CCDC83: variants seen among roughly 807,000 people sequenced by gnomAD.
CCDC83 encodes the protein coiled-coil domain containing 83.
A neutral mutation model predicts 50.1 loss-of-function variants in CCDC83; 54 were observed. The ratio of observed to expected loss-of-function variants is 1.08; its 90% CI spans 0.87 to 1.35. The LOEUF (loss-of-function observed/expected upper bound fraction) is 1.35, where lower values mean the gene tolerates loss of function less well. Ranked by LOEUF, CCDC83 falls within the 40% of genes most tolerant of loss-of-function variation. The pLI is 0.00. For synonymous variants in CCDC83, 161 were observed against 153.3 expected, an observed-to-expected ratio of 1.05 and a Z score of -0.37; for missense variants, 518 against 473.9, an observed-to-expected ratio of 1.09 and a Z score of -0.86.
intron 2 of CCDC83, among the ~76,000 whole-genome samples, chr11:85,871,193 T>C (rs1190119720): frequency 6.6e-6 from 1 of 151,784 alleles, no homozygotes; most frequent in Non-Finnish European, 1.5e-5. Context: ...AAACAAACAA[T>C]CTCTATAATG....
At chr11:85,915,935 C>T in intron 9 of CCDC83, 93 bp from the exon 10 acceptor site, 1 of 846,896 alleles carries the variant, frequency 1.2e-6, no homozygotes, top group Non-Finnish European at 1.9e-6. Context: ...CTCAAAGTTC[C>T]ATCCAATTAA....
chr11:85,856,430 C>G (rs2093141569), intron 1 of CCDC83, among the ~76,000 whole-genome samples: 1 of 151,856 alleles, frequency 6.6e-6, no homozygotes. Context: ...TTTTTCTTTT[C>G]TTTGTTGATA....
At chr11:85,865,481 T>C (rs560410935) in intron 2 of CCDC83, among the ~76,000 whole-genome samples, 1 of 152,378 alleles carries the variant, frequency 6.6e-6, no homozygotes, top group Non-Finnish European at 1.5e-5. Flanking sequence ...ACAGCTTTCA[T>C]TGATGTACTA....
At chr11:85,891,506 G>T (rs1019201378) in intron 5 of CCDC83, among the ~76,000 whole-genome samples, 1 of 152,164 alleles carries the variant, frequency 6.6e-6, no homozygotes, top group Non-Finnish European at 1.5e-5. Context: ...AAGGTGAGGG[G>T]TTATTACAAG....
chr11:85,877,595 T>C (rs2093276284), intron 3 of CCDC83, among the ~76,000 whole-genome samples: 1 of 152,230 alleles, frequency 6.6e-6, no homozygotes, highest in Admixed American at 6.5e-5. Flanking sequence ...TAAGAAGTAT[T>C]GTGTCAAGTA....
intron 5 of CCDC83, among the ~76,000 whole-genome samples, chr11:85,894,224 G>A (rs1482480923): frequency 1.3e-5 from 2 of 152,120 alleles, no homozygotes; most frequent in African/African-American, 2.4e-5. Flanking sequence ...CTATAGTACT[G>A]TTAGTACAAT....
chr11:85,872,659 T>C (rs889915582), intron 2 of CCDC83, among the ~76,000 whole-genome samples: 1 of 152,218 alleles, frequency 6.6e-6, no homozygotes, highest in Non-Finnish European at 1.5e-5. Context: ...TCTGCACTTT[T>C]CTATCTCTCT....
chr11:85,914,905 T>C (rs12798229), intron 8 of CCDC83, among the ~76,000 whole-genome samples: 14,746 of 152,174 alleles, frequency 0.097, 947 homozygotes, highest in Admixed American at 0.14. Context: ...CTTCTTCACA[T>C]GGCAGCAGGA....
At chr11:85,911,717 T>C (rs1005336369) in intron 8 of CCDC83, among the ~76,000 whole-genome samples, 3 of 152,092 alleles carry the variant, frequency 2.0e-5, no homozygotes, top group Admixed American at 6.5e-5. Flanking sequence ...AATAAGTACA[T>C]AACAGTACGG....
At chr11:85,882,753 A>G in intron 4 of CCDC83, 78 bp downstream of exon 4, 1 of 1,332,300 alleles carries the variant, frequency 7.5e-7, no homozygotes, top group Non-Finnish European at 1.1e-6. Context: ...TATTCTTCCA[A>G]TATGTTCAAA....
chr11:85,916,194 T>A lies in CCDC83; in HGVS notation c.1041T>A (p.Asp347Glu), dbSNP rs763443423. ...CAGGCACAGAGTTTGGGGACACTGA[T>A]ATGAAGTACTTACTATATGAGGATG... ...ENSGTEFGDT[D>E]MKYLLYEDEK... is the part of the protein sequence containing the mutation. Residue 347 changes from aspartate (D) to glutamate (E), a missense_variant, in exon 10 of 11, where the codon GAT (aspartate) becomes GAA (glutamate). By Grantham distance (45) the Asp-to-Glu change is conservative. Transcript: ENST00000342404. 1 of 1,612,996 alleles carries A rather than the reference T, an allele frequency of 6.2e-7. No homozygotes were observed. Among genetic ancestry groups the A allele is most frequent in the Non-Finnish European group, 8.5e-7 (1 of 1,179,320 alleles).
At chr11:85,876,798 C>T (rs2093271943) in intron 3 of CCDC83, among the ~76,000 whole-genome samples, 1 of 152,204 alleles carries the variant, frequency 6.6e-6, no homozygotes, top group African/African-American at 2.4e-5. Context: ...AGCCACCACA[C>T]CCAGCCTCTT....
chr11:85,903,186 G>T (rs112266882), intron 7 of CCDC83, among the ~76,000 whole-genome samples: 4,423 of 152,106 alleles, frequency 0.029, 96 homozygotes, highest in Non-Finnish European at 0.046. Flanking sequence ...TGAGCTGAGA[G>T]TGCACCACTG....
chr11:85,895,226 T>C, intron 5 of CCDC83, 67 bp from the exon 6 acceptor site: 1 of 581,298 alleles, frequency 1.7e-6, no homozygotes, highest in Non-Finnish European at 2.6e-6. Flanking sequence ...CCACACATAG[T>C]TTTACCTAGA....
intron 7 of CCDC83, among the ~76,000 whole-genome samples, chr11:85,906,072 CT>C (rs879545794): frequency 3.6e-4 from 52 of 144,024 alleles, no homozygotes; most frequent in African/African-American, 3.5e-4. Flanking sequence ...ACAATTCTCT[CT>C]TTTTTTTTTT....
chr11:85,898,135 T>G (rs2135090967), intron 6 of CCDC83, among the ~76,000 whole-genome samples: 1 of 150,174 alleles, frequency 6.7e-6, no homozygotes, highest in South Asian at 2.1e-4. Flanking sequence ...CCAGCCTGGG[T>G]GACAGAGCAA....
intron 10 of CCDC83, 41 bp from the exon 11 acceptor site, chr11:85,919,308 G>A: frequency 6.5e-7 from 1 of 1,537,170 alleles, no homozygotes; most frequent in Non-Finnish European, 8.7e-7. Flanking sequence ...GTAATTTGCT[G>A]AATCACCTCT....
intron 5 of CCDC83, among the ~76,000 whole-genome samples, chr11:85,891,369 TC>T (rs2093349825): frequency 1.3e-5 from 2 of 152,182 alleles, no homozygotes; most frequent in African/African-American, 2.4e-5. Flanking sequence ...TAGAGCTGCT[TC>T]CCTGAACTTT....
At chr11:85,889,150 C>T (rs1212060337) in intron 5 of CCDC83, among the ~76,000 whole-genome samples, 1 of 152,074 alleles carries the variant, frequency 6.6e-6, no homozygotes, top group Non-Finnish European at 1.5e-5. Context: ...CTCAGGGGTT[C>T]GAGACAAGCC....
Sources: gnomAD v4.1 joint callset for allele counts (sites outside exome capture counted in the v4.1 genomes callset) on GRCh38, gnomAD v4.1.1 for gene constraint, MANE v1.5 for transcripts, NCBI Gene and HGNC (gene_info 2026-07-23, HGNC 2026-07-21) for gene names.